The following ATP9B variants were observed in gnomAD, a reference collection of about 807,000 sequenced individuals.
ATP9B encodes the protein probable phospholipid-transporting ATPase IIB.
Under a neutral mutation model 146.1 loss-of-function variants are expected in ATP9B, and 110 were observed. The observed-to-expected ratio is 0.75, with a 90% CI of 0.65 to 0.88. The LOEUF is 0.88. Ranked by LOEUF, ATP9B falls within the 40% of genes least tolerant of loss-of-function variation. The pLI, the probability that ATP9B is intolerant of heterozygous loss-of-function variation, is 0.00. For synonymous variants in ATP9B, 604 were observed against 569.7 expected (o/e 1.06, Z -0.86); for missense variants, 1,499 against 1,496.4 (o/e 1.00, Z -0.03).
At chr18:79,157,579 G>A (rs1204289057) in intron 7 of ATP9B, among the ~76,000 whole-genome samples, 2 of 151,972 alleles carry the variant, frequency 1.3e-5, no homozygotes, top group African/African-American at 4.8e-5. Flanking sequence ...TCTTTGTTAA[G>A]CGTTTGATAG....
chr18:79,235,577 C>A (rs1324798610), intron 11 of ATP9B, among the ~76,000 whole-genome samples: 2 of 152,124 alleles, frequency 1.3e-5, no homozygotes, highest in South Asian at 4.2e-4. Context: ...AAAGTGCACA[C>A]GTTTTAAAAC....
intron 12 of ATP9B, among the ~76,000 whole-genome samples, chr18:79,271,152 A>G (rs1206152331): frequency 1.3e-5 from 2 of 152,024 alleles, no homozygotes; most frequent in Non-Finnish European, 2.9e-5. Flanking sequence ...ATCATCCCAC[A>G]CCCACTCAGA....
chr18:79,097,622 G>A (rs912351720), intron 2 of ATP9B, among the ~76,000 whole-genome samples: 6 of 135,880 alleles, frequency 4.4e-5, no homozygotes, highest in Admixed American at 8.0e-5. Flanking sequence ...GAGAATATGC[G>A]GTATTTGGTT....
intron 15 of ATP9B, among the ~76,000 whole-genome samples, chr18:79,328,572 G>A (rs555875054): frequency 1.6e-4 from 24 of 152,282 alleles, no homozygotes; most frequent in African/African-American, 3.6e-4. Context: ...CAGGAGTTCC[G>A]ACTTTCACAC....
chr18:79,225,485 G>C (rs2148522138), intron 11 of ATP9B, among the ~76,000 whole-genome samples: 1 of 152,324 alleles, frequency 6.6e-6, no homozygotes, highest in East Asian at 1.9e-4. Context: ...ATCCCTCTAG[G>C]CTTCCTCTAC....
At chr18:79,201,500 A>T (rs999505824) in intron 9 of ATP9B, among the ~76,000 whole-genome samples, 1 of 152,130 alleles carries the variant, frequency 6.6e-6, no homozygotes, top group Non-Finnish European at 1.5e-5. Flanking sequence ...TAACCCTAGC[A>T]CTTTGGGAGG....
rs2096903429 is a variant in ATP9B, at chr18:79,348,318, A to C, written c.2903+122A>C. 4 of 945,736 alleles carry C rather than the reference A, an allele frequency of 4.2e-6. No homozygotes were observed. The East Asian group carries it at 1.0e-4, about 24-fold the overall frequency. 58.6% of individuals were successfully genotyped at this position (945,736 alleles called of 1,614,324 possible). A position where few individuals can be genotyped will look rare whatever the true frequency, so the allele number is the denominator to read the frequency against. ...TTGATACAGTCATCATTTAGAATGA[A>C]TAATACTGATGTAAAAACAACATTT... On this transcript the variant is annotated intron_variant, in intron 25 of 29. Coordinates refer to ENST00000426216, the MANE Select transcript of ATP9B (RefSeq NM_198531.5).
At chr18:79,375,154 G>T (rs556476003) in intron 28 of ATP9B, among the ~76,000 whole-genome samples, 1 of 152,354 alleles carries the variant, frequency 6.6e-6, no homozygotes, top group African/African-American at 2.4e-5. Flanking sequence ...TCTCCTAGGG[G>T]AATGCCAAGG....
At chr18:79,138,683 C>T (rs1448158531) in intron 5 of ATP9B, among the ~76,000 whole-genome samples, 1 of 151,390 alleles carries the variant, frequency 6.6e-6, no homozygotes. Context: ...GTAAGTTATA[C>T]TTTATTTCAC....
intron 11 of ATP9B, among the ~76,000 whole-genome samples, chr18:79,215,103 G>A (rs550150504): frequency 2.1e-5 from 3 of 140,836 alleles, no homozygotes; most frequent in South Asian, 2.2e-4. Flanking sequence ...AGCCAAGATC[G>A]CACCATTGCA....
rs139142516 is a variant in ATP9B at position 79,111,533 on chromosome 18, C to CA, written c.444+1029dup. Among the ~76,000 whole-genome samples, 744 of 152,226 alleles carry CA rather than the reference C, an allele frequency of 4.9e-3. 5 individuals are homozygous for CA. The highest frequency in any genetic ancestry group is 0.024 in the South Asian group (118 of 4,826). On this transcript the variant is annotated intron_variant, in intron 3 of 29. Coordinates refer to ENST00000426216, the MANE Select transcript of ATP9B (RefSeq NM_198531.5). ...GGATAATAAAATGTAAACTGTCTTA[C>CA]AGGCAGATAAATATTCGCATCTTTA...
intron 7 of ATP9B, among the ~76,000 whole-genome samples, chr18:79,165,798 C>T (rs773301509): frequency 1.4e-4 from 21 of 152,138 alleles, no homozygotes; most frequent in Admixed American, 3.9e-4. Context: ...GGCCATGGTT[C>T]TTATTTTCCC....
chr18:79,174,491 A>G (rs1000610974), intron 7 of ATP9B, among the ~76,000 whole-genome samples: 5 of 152,212 alleles, frequency 3.3e-5, no homozygotes, highest in Non-Finnish European at 7.3e-5. Flanking sequence ...CTTACAGTTG[A>G]TCTGTTCCAG....
At chr18:79,211,894 A>C (rs1186322061) in intron 10 of ATP9B, among the ~76,000 whole-genome samples, 1 of 152,172 alleles carries the variant, frequency 6.6e-6, no homozygotes, top group Non-Finnish European at 1.5e-5. Context: ...ATATGGGTTA[A>C]AGTTTTGGAA....
intron 8 of ATP9B, among the ~76,000 whole-genome samples, chr18:79,181,678 G>A (rs1298822245): frequency 6.6e-6 from 1 of 151,626 alleles, no homozygotes; most frequent in Non-Finnish European, 1.5e-5. Context: ...ATCTTTTTCA[G>A]TATCTAGTCT....
chr18:79,359,514 A>G, intron 26 of ATP9B, 52 bp downstream of exon 26: 1 of 1,380,124 alleles, frequency 7.2e-7, no homozygotes, highest in East Asian at 2.3e-5. Flanking sequence ...CACATCTAGC[A>G]TTTTACACGA....
intron 17 of ATP9B, among the ~76,000 whole-genome samples, chr18:79,330,894 T>C (rs896349828): frequency 5.9e-5 from 9 of 152,250 alleles, no homozygotes; most frequent in African/African-American, 2.2e-4. Flanking sequence ...TTAATGTATC[T>C]CTTTTGTAAC....
At chr18:79,200,789 G>GGAGGTGGGAACGTTGGGGTGAGAGCA (rs2095478075) in intron 9 of ATP9B, among the ~76,000 whole-genome samples, 1 of 79,122 alleles carries the variant, frequency 1.3e-5, no homozygotes, top group Non-Finnish European at 2.9e-5. Flanking sequence ...AAGTAGTGGT[G>GGAGGTGGGAACGTTGGGGTGAGAGCA]GAATTGTTTT....
In ATP9B at chr18:79,307,194, G is replaced by T; in HGVS notation, c.1733G>T (p.Ser578Ile). 1 of 1,614,264 alleles carries T rather than the reference G, an allele frequency of 6.2e-7. No homozygotes were observed. ...TEFAEADQDFSDENRTYQASS... is the reference protein window; with the variant it reads ...TEFAEADQDFIDENRTYQASS... Reference sequence around the variant, plus strand: ...TTCGCAGAGGCTGACCAAGACTTCAGTGATGAGAATCGCACCTACCAGGCT... The same window carrying T: ...TTCGCAGAGGCTGACCAAGACTTCATTGATGAGAATCGCACCTACCAGGCT... Residue 578 changes from serine (S) to isoleucine (I), a missense_variant, in exon 15 of 30, where the codon AGT (serine) becomes ATT (isoleucine). Transcript: ENST00000426216.
Sources: gnomAD v4.1 joint callset for allele counts (sites outside exome capture counted in the v4.1 genomes callset) on GRCh38, gnomAD v4.1.1 for gene constraint, MANE v1.5 for transcripts, NCBI Gene and HGNC (gene_info 2026-07-23, HGNC 2026-07-21) for gene names.